The following ATG16L1 variants were observed in gnomAD, a reference collection of about 807,000 sequenced individuals.
ATG16L1 encodes the protein autophagy-related protein 16-1.
In ATG16L1, 37 loss-of-function variants were observed where a neutral mutation model predicts 88.5. The observed-to-expected ratio is 0.42, with a 90% CI of 0.32 to 0.55. The LOEUF is 0.55. ATG16L1 is among the 20% of genes least tolerant of loss of function. The probability of loss-of-function intolerance (pLI) is 0.13; values close to 1 mark genes in which losing one functional copy is unlikely to be tolerated. For missense variants in ATG16L1, 554 were observed against 752.8 expected (o/e 0.74, Z 3.09); for synonymous variants, 301 against 281.0 (o/e 1.07, Z -0.71).
intron 6 of ATG16L1, among the ~76,000 whole-genome samples, chr2:233,272,298 A>G (rs942546718): frequency 2.6e-5 from 4 of 152,242 alleles, no homozygotes; most frequent in African/African-American, 9.6e-5. Flanking sequence ...AGCATGTCCT[A>G]TGACTTGATT....
intron 2 of ATG16L1, among the ~76,000 whole-genome samples, chr2:233,258,016 A>AT (rs1328797823): frequency 1.9e-5 from 1 of 51,972 alleles, no homozygotes. Flanking sequence ...AAAAAAAAAA[A>AT]ATATCTATAT....
intron 5 of ATG16L1, among the ~76,000 whole-genome samples, chr2:233,267,083 C>T (rs780940858): frequency 1.5e-4 from 23 of 152,198 alleles, no homozygotes; most frequent in Admixed American, 4.6e-4. Flanking sequence ...GGTGTGGTGG[C>T]GCACACTGTA....
At chr2:233,274,060 C>T (rs1046456818) in intron 8 of ATG16L1, 2 of 1,547,450 alleles carry the variant, frequency 1.3e-6, no homozygotes, top group Non-Finnish European at 1.7e-6. Context: ...ATTATCCTCT[C>T]TTAGTCCAGC....
chr2:233,282,018 C>T (rs968164502), intron 11 of ATG16L1, among the ~76,000 whole-genome samples: 1 of 152,102 alleles, frequency 6.6e-6, no homozygotes. Flanking sequence ...AATAACCACT[C>T]CTTGAATTTA....
Position 233,274,519 on chromosome 2 carries a change from T to A in ATG16L1, c.852-157T>A, listed in dbSNP as rs900218079. On this transcript the variant is annotated intron_variant, in intron 8 of 17. Transcript: ENST00000392017. ...TTTGAGTGAGGGTGCTTTTGATTTT[T>A]TTGTGAATTGTTCTGTAGTTTGAAG... The A allele has an allele frequency of 7.3e-6, 4 of 550,184 alleles. No homozygotes were observed. The African/African-American group carries it at 7.6e-5, about 10-fold the overall frequency. The allele number at this position is 550,184 out of a possible 1,614,324, so 34.1% of individuals were successfully genotyped here. A position where few individuals can be genotyped will look rare whatever the true frequency, so the allele number is the denominator to read the frequency against.
At chr2:233,255,066 C>T (rs770550928) in intron 1 of ATG16L1, among the ~76,000 whole-genome samples, 2 of 152,094 alleles carry the variant, frequency 1.3e-5, no homozygotes, top group Non-Finnish European at 2.9e-5. Context: ...CTCTGCCTCC[C>T]GAGTTCAAGC....
chr2:233,290,669 G>A (rs905501552), intron 14 of ATG16L1, among the ~76,000 whole-genome samples: 3 of 152,178 alleles, frequency 2.0e-5, no homozygotes, highest in Admixed American at 6.5e-5. Flanking sequence ...AGTGACTAGT[G>A]TGTTGAAGTG....
intron 1 of ATG16L1, among the ~76,000 whole-genome samples, chr2:233,254,482 TCCGTG>T (rs781758550): frequency 1.1e-4 from 16 of 152,262 alleles, no homozygotes; most frequent in Middle Eastern, 6.8e-3. Flanking sequence ...CTCTGTTCAG[TCCGTG>T]CCTTTGAGTC....
At chr2:233,276,109 TG>T (rs909414447) in intron 9 of ATG16L1, 3 of 380,238 alleles carry the variant, frequency 7.9e-6, no homozygotes, top group African/African-American at 6.3e-5. Flanking sequence ...GGAGGCAAAG[TG>T]GAAAATGAAG....
At chr2:233,260,836 C>G (rs1279984377) in intron 2 of ATG16L1, among the ~76,000 whole-genome samples, 1 of 152,190 alleles carries the variant, frequency 6.6e-6, no homozygotes, top group Non-Finnish European at 1.5e-5. Context: ...TTTAGTTCCT[C>G]TTTGGAAACC....
intron 12 of ATG16L1, 126 bp from the exon 13 acceptor site, chr2:233,289,728 G>A (rs889763945): frequency 4.6e-6 from 6 of 1,292,264 alleles, no homozygotes; most frequent in African/African-American, 1.5e-5. Flanking sequence ...CGCTTTGAGT[G>A]TTCCTGGCCG....
chr2:233,275,770 C>T (rs141179324), intron 9 of ATG16L1: 15 of 519,252 alleles, frequency 2.9e-5, no homozygotes, highest in African/African-American at 1.7e-4. Flanking sequence ...CTGAATGTCA[C>T]GGTCCCTTTG....
At position 233,290,244 on chromosome 2, in the gene ATG16L1, TCAGG is replaced by T. The variant is rs1469543601; in HGVS notation, c.1325-1_1327del. On this transcript the variant is annotated splice_acceptor_variant and splice_polypyrimidine_tract_variant and coding_sequence_variant and intron_variant, in exon 14 of 18. Coordinates refer to ENST00000392017, the MANE Select transcript of ATG16L1 (RefSeq NM_030803.7). LOFTEE classifies it high-confidence loss of function. ...TTGATTAATGATGTTTGCATTTCTTTCAGGCATAAAGACAGTGTTTGCAGGATCC... is the reference window on the plus strand; with the variant it reads ...TTGATTAATGATGTTTGCATTTCTTTCATAAAGACAGTGTTTGCAGGATCC... The T allele has an allele frequency of 6.2e-7, 1 of 1,613,844 alleles. No homozygotes were observed. Among genetic ancestry groups the T allele is most frequent in the African/African-American group, 1.3e-5 (1 of 74,920 alleles).
chr2:233,262,647 C>T lies in ATG16L1; in HGVS notation c.210-483C>T, dbSNP rs1362565313. On this transcript the variant is annotated intron_variant, in intron 2 of 17. Transcript: ENST00000392017. ...CCTTACAGTCTCTAGTCATGTGTCA[C>T]GTAGGAGAAACCCTCCTCAATTACG... Among the ~76,000 whole-genome samples the T allele has an allele frequency of 3.9e-5, 6 of 152,206 alleles. No homozygotes were observed. In the South Asian group the frequency reaches 6.2e-4, roughly 16 times the overall value.
chr2:233,268,132 C>T (rs1009942308), intron 5 of ATG16L1, among the ~76,000 whole-genome samples: 1 of 152,164 alleles, frequency 6.6e-6, no homozygotes, highest in African/African-American at 2.4e-5. Flanking sequence ...GCCACGTGTC[C>T]CTGTGGTCAG....
At chr2:233,292,030 C>A in intron 14 of ATG16L1, 98 bp from the exon 15 acceptor site, 2 of 1,410,686 alleles carry the variant, frequency 1.4e-6, no homozygotes, top group Non-Finnish European at 1.9e-6. Flanking sequence ...CAGAGCGTTG[C>A]ATGCTAGTTG....
rs1698106650 is a variant in ATG16L1 at position 233,273,154 on chromosome 2, T to G, written c.794+102T>G. On this transcript the variant is annotated intron_variant, in intron 7 of 17. Coordinates refer to ENST00000392017, the MANE Select transcript of ATG16L1 (RefSeq NM_030803.7). Reference sequence around the variant, plus strand: ...AATGCAGTCAGATGCACCCAACCCCTTACCCCTTTTCTGGGACACCCAGCG... The same window carrying G: ...AATGCAGTCAGATGCACCCAACCCCGTACCCCTTTTCTGGGACACCCAGCG... 1.6e-5 allele frequency: 15 copies of G among 927,290 alleles called. No individual in the cohort carries two copies. In the South Asian group the frequency reaches 1.8e-4, roughly 11 times the overall value. The allele number at this position is 927,290 out of a possible 1,614,324, so 57.4% of individuals were successfully genotyped here.
intron 2 of ATG16L1, among the ~76,000 whole-genome samples, chr2:233,259,342 C>T (rs1697037333): frequency 6.6e-6 from 1 of 152,080 alleles, no homozygotes; most frequent in Non-Finnish European, 1.5e-5. Context: ...AGTGTTTTGG[C>T]CCTCTGATGT....
At chr2:233,277,868 C>T (rs1184428250) in intron 10 of ATG16L1, among the ~76,000 whole-genome samples, 195 bp downstream of exon 10, 5 of 152,118 alleles carry the variant, frequency 3.3e-5, no homozygotes, top group Non-Finnish European at 5.9e-5. Flanking sequence ...TCTTTACTTC[C>T]GAGTGGATGT....
Sources: allele counts gnomAD v4.1 joint callset (sites outside exome capture counted in the v4.1 genomes callset), GRCh38; gene constraint gnomAD v4.1.1; transcripts MANE v1.5; gene names NCBI Gene and HGNC (gene_info 2026-07-23, HGNC 2026-07-21).